The following PLOD3 variants were observed in gnomAD, a reference collection of about 807,000 sequenced individuals.
The protein encoded by PLOD3 is multifunctional procollagen lysine hydroxylase and glycosyltransferase LH3.
Under a neutral mutation model 96.9 loss-of-function variants are expected in PLOD3, and 73 were observed. That is an observed-to-expected ratio of 0.75 (90% CI 0.62 to 0.92). PLOD3 has a LOEUF of 0.92. PLOD3 is among the 40% of genes least tolerant of loss of function. The pLI, the probability that PLOD3 is intolerant of heterozygous loss-of-function variation, is 0.00. For synonymous variants in PLOD3, 454 were observed against 413.7 expected (o/e 1.10, Z -1.18); for missense variants, 1,004 against 1,004.3 (o/e 1.00, Z 0.00).
chr7:101,207,660 C>T lies in PLOD3; in HGVS notation c.1853G>A (p.Gly618Glu). The change falls in exon 17 of 19, where the codon GGG becomes GAG. Residue 618 changes from glycine to glutamate, a missense_variant. Physicochemically the swap from Gly to Glu is moderately conservative, Grantham distance 98. Around this residue, in one of 5 missense-constraint regions of PLOD3, gnomAD observed 222 missense variants for 220.4 expected, o/e 1.01. Transcript: ENST00000223127. ...PTVDIHMKQV[G>E]YEDQWLQLLR... ...CAGCTGCAGCCACTGGTCCTCGTACCCCACCTGCTTCATGTGGATGTCCAC... is the reference window on the plus strand; with the variant it reads ...CAGCTGCAGCCACTGGTCCTCGTACTCCACCTGCTTCATGTGGATGTCCAC... 6.2e-6 allele frequency: 10 copies of T among 1,613,904 alleles called. No homozygotes were observed. Among genetic ancestry groups the T allele is most frequent in the Non-Finnish European group, 7.6e-6 (9 of 1,179,898 alleles).
At chr7:101,214,730 G>C (rs920849649) in intron 6 of PLOD3, among the ~76,000 whole-genome samples, 1 of 152,068 alleles carries the variant, frequency 6.6e-6, no homozygotes, top group Non-Finnish European at 1.5e-5. Context: ...CCAGCTACTC[G>C]GGAGGCTGAG....
intron 6 of PLOD3, 92 bp from the exon 7 acceptor site, chr7:101,213,296 G>T: frequency 1.2e-6 from 1 of 824,322 alleles, no homozygotes; most frequent in Non-Finnish European, 2.1e-6. Context: ...AAATTCTCCA[G>T]GGAATAAAGG....
intron 12 of PLOD3, 39 bp from the exon 13 acceptor site, chr7:101,210,712 C>G: frequency 6.2e-7 from 1 of 1,611,002 alleles, no homozygotes; most frequent in Non-Finnish European, 8.5e-7. Flanking sequence ...GGAGGACAGC[C>G]CCCCAAATTC....
At chr7:101,210,279 C>T in intron 14 of PLOD3, 52 bp downstream of exon 14, 2 of 1,549,588 alleles carry the variant, frequency 1.3e-6, no homozygotes, top group Admixed American at 1.7e-5. Context: ...TGGTGTCTTC[C>T]TTAGCACAAG....
chr7:101,214,511 G>A (rs1798237631), intron 6 of PLOD3, among the ~76,000 whole-genome samples: 1 of 152,154 alleles, frequency 6.6e-6, no homozygotes, highest in Non-Finnish European at 1.5e-5. Flanking sequence ...TGTACAAGAA[G>A]GATAACCAGG....
rs1268725388 is a variant in PLOD3 at position 101,206,098 on chromosome 7, G to A, written c.*183C>T. The A allele has an allele frequency of 1.4e-6, 1 of 700,556 alleles. No homozygotes were observed. The highest frequency in any genetic ancestry group is 2.1e-5 in the Admixed American group (1 of 48,240). The allele number at this position is 700,556 out of a possible 1,614,324, so 43.4% of individuals were successfully genotyped here. On this transcript the variant is annotated 3_prime_UTR_variant, in exon 19 of 19. Coordinates refer to ENST00000223127, the MANE Select transcript of PLOD3 (RefSeq NM_001084.5). The stretch of plus-strand genomic sequence containing the variant: ...CCTGTGGGCGGAGGAGAGAGGCGGG[G>A]ACTCCGGGAGCTTCCTGAGAGGGCC...
chr7:101,215,344 CTG>C lies in PLOD3; in HGVS notation c.616-194_616-193del, dbSNP rs560500016. Among the ~76,000 whole-genome samples the C allele has an allele frequency of 1.8e-3, 270 of 152,356 alleles. 1 individual carries two copies. The highest frequency in any genetic ancestry group is 6.3e-3 in the African/African-American group (262 of 41,582). ...TCTCTTGCTTCAGCCTTCCAAGTAA[CTG>C]GGACTACAGGAGAGTGTCACCACGC... On this transcript the variant is annotated intron_variant, in intron 5 of 18. Coordinates refer to ENST00000223127, the MANE Select transcript of PLOD3 (RefSeq NM_001084.5).
chr7:101,212,724 A>G, intron 8 of PLOD3, 69 bp from the exon 9 acceptor site: 1 of 1,602,310 alleles, frequency 6.2e-7, no homozygotes, highest in Non-Finnish European at 8.5e-7. Context: ...CCCAACCTCC[A>G]CCCTGACAGG....
intron 12 of PLOD3, 183 bp from the exon 13 acceptor site, chr7:101,210,856 C>A: frequency 1.6e-6 from 1 of 622,074 alleles, no homozygotes. Context: ...AGTTCCTACC[C>A]CAAGCTGTGG....
At position 101,206,287 on chromosome 7, in the gene PLOD3, G is replaced by A. The variant is rs779488347; in HGVS notation, c.2211C>T (p.Asp737=). 1.5e-5 allele frequency: 25 copies of A among 1,613,928 alleles called. No individual in the cohort carries two copies. Among genetic ancestry groups the A allele is most frequent in the South Asian group, 2.2e-5 (2 of 91,078 alleles). ...TTGGCAGAGTGGTTGAGTGTCAGGG[G>A]TCGACAAAGGACACCATGATGTAGC... is the stretch of plus-strand genomic sequence containing the variant. The part of the protein sequence containing the change: ...GTRYIMVSFV[D]P The change falls in exon 19 of 19, where the codon GAC becomes GAT. Residue 737 remains aspartate, a synonymous_variant. Coordinates refer to ENST00000223127, the MANE Select transcript of PLOD3 (RefSeq NM_001084.5).
At position 101,212,646 on chromosome 7, in the gene PLOD3, G is replaced by T. The variant is rs776439156; in HGVS notation, c.889C>A (p.Arg297=). 1 of 1,612,800 alleles carries T rather than the reference G, an allele frequency of 6.2e-7. No individual in the cohort carries two copies. The highest frequency in any genetic ancestry group is 8.5e-7 in the Non-Finnish European group (1 of 1,179,198). ...TCCACAAACACGGCCAGAAACACCC[G>T]GGGGGGAGGCTGGAAGATGCAACAC... ...RTLPGGQPPP[R]VFLAVFVEQP... is the part of the protein sequence containing the mutation. Residue 297 remains arginine (R), a synonymous_variant, in exon 9 of 19, where the codon CGG becomes AGG. Transcript: ENST00000223127.
At chr7:101,214,991 G>A in intron 6 of PLOD3, 98 bp downstream of exon 6, 2 of 897,788 alleles carry the variant, frequency 2.2e-6, no homozygotes, top group Admixed American at 1.7e-5. Context: ...ATAGAGGTGG[G>A]CTTGGATCAG....
At chr7:101,215,540 C>T (rs925031023) in intron 5 of PLOD3, among the ~76,000 whole-genome samples, 8 of 152,202 alleles carry the variant, frequency 5.3e-5, no homozygotes, top group African/African-American at 1.4e-4. Context: ...GAGTCTCATT[C>T]TGTCACCCAG....
chr7:101,216,840 C>G, intron 1 of PLOD3, 54 bp from the exon 2 acceptor site: 1 of 1,230,246 alleles, frequency 8.1e-7, no homozygotes, highest in East Asian at 2.4e-5. Flanking sequence ...CCGGGCCTCA[C>G]GTGCTTTGCT....
At chr7:101,212,167 G>C (rs1584253311) in intron 10 of PLOD3, 86 bp downstream of exon 10, 1 of 1,547,468 alleles carries the variant, frequency 6.5e-7, no homozygotes, top group African/African-American at 1.4e-5. Flanking sequence ...TGGGTGACAG[G>C]TGAGGCAAGG....
rs544790895 is a variant in PLOD3, at chr7:101,206,772, G to T, written c.2061+7C>A. On this transcript the variant is annotated splice_region_variant and intron_variant, in intron 18 of 18. Transcript: ENST00000223127. Reference sequence around the variant, plus strand: ...AAGCGTGGGTGGGTAGTGTGACTGGGGCGCACCTCATAGTCCAGGCCCTTG... The same window carrying T: ...AAGCGTGGGTGGGTAGTGTGACTGGTGCGCACCTCATAGTCCAGGCCCTTG... 2.7e-4 allele frequency: 426 copies of T among 1,581,204 alleles called. No individual in the cohort carries two copies. The highest frequency in any genetic ancestry group is 3.3e-5 in the Non-Finnish European group (38 of 1,163,268).
At chr7:101,207,821 C>A in intron 16 of PLOD3, 97 bp from the exon 17 acceptor site, 1 of 1,322,354 alleles carries the variant, frequency 7.6e-7, no homozygotes, top group South Asian at 1.2e-5. Context: ...CCAGCCTTCA[C>A]ACCTGTGTTC....
chr7:101,213,570 G>A (rs1798222743), intron 6 of PLOD3: 1 of 270,640 alleles, frequency 3.7e-6, no homozygotes, highest in Non-Finnish European at 7.2e-6. Context: ...AGGCTGGAGT[G>A]CAATGGCGTG....
chr7:101,211,648 G>T lies in PLOD3; in HGVS notation c.1301C>A (p.Pro434His). The T allele has an allele frequency of 6.2e-7, 1 of 1,607,140 alleles. No homozygotes were observed. Among genetic ancestry groups the T allele is most frequent in the Non-Finnish European group, 8.5e-7 (1 of 1,177,522 alleles). Residue 434 changes from proline to histidine, a missense_variant, in exon 12 of 19, where the codon CCC becomes CAC. This residue lies in a region of PLOD3 where 690 missense variants were observed against 650.2 expected (regional missense o/e 1.06). Coordinates refer to ENST00000223127, the MANE Select transcript of PLOD3 (RefSeq NM_001084.5). ...CTCGGAGCGGGCGTAGTACTCATCG[G>T]GGCTCAGGGCGCCCCAGAAGTTGGA... ...LWSNFWGALS[P>H]DEYYARSEDY... is the part of the protein sequence containing the mutation.
Sources: allele counts gnomAD v4.1 joint callset (sites outside exome capture counted in the v4.1 genomes callset), GRCh38; gene constraint gnomAD v4.1.1; regional missense constraint gnomAD v4.1.1; transcripts MANE v1.5; gene names NCBI Gene and HGNC (gene_info 2026-07-23, HGNC 2026-07-21).